The following TBX6 variants were observed in gnomAD, a reference collection of about 807,000 sequenced individuals.
The protein encoded by TBX6 is T-box transcription factor 6, also known as T-box transcription factor TBX6.
TBX6 carries 29 observed loss-of-function variants against 42.3 expected under a neutral mutation model. The observed-to-expected ratio is 0.69, with a 90% CI of 0.51 to 0.93. The LOEUF is 0.93. TBX6 is among the 40% of genes least tolerant of loss of function. TBX6 has a pLI of 0.00. For missense variants in TBX6, 569 were observed against 603.3 expected (o/e 0.94, Z 0.59); for synonymous variants, 249 against 245.1 (o/e 1.02, Z -0.15).
At position 30,085,884 on chromosome 16, in the gene TBX6, G is replaced by C. The variant is rs746751769; in HGVS notation, c.*341C>G. ...GGTGTGGCCTGCACCAGTGTGTGTG[G>C]GGGGGTGGGGATTGAGCCCCTCCAG... On this transcript the variant is annotated 3_prime_UTR_variant, in exon 9 of 9. Coordinates refer to ENST00000395224, the MANE Select transcript of TBX6 (RefSeq NM_004608.4). 277 of 347,604 alleles carry C rather than the reference G, an allele frequency of 8.0e-4. No homozygotes were observed. Among genetic ancestry groups the C allele is most frequent in the Non-Finnish European group, 1.1e-3 (205 of 189,508 alleles). The allele number at this position is 347,604 out of a possible 1,614,324, so 21.5% of individuals were successfully genotyped here.
chr16:30,088,149 G>T lies in TBX6; in HGVS notation c.839+396C>A. On this transcript the variant is annotated intron_variant, in intron 6 of 8. Transcript: ENST00000395224. The surrounding 1 kb of genome is among the most constrained non-coding windows in gnomAD (Gnocchi z 4.1). ...AGACAGGGTTTCACCATGTTGGCAG[G>T]CTGGTCTCGAACTCCTGGCCTCAGG... 1 of 254,004 alleles carries T rather than the reference G, an allele frequency of 3.9e-6. No individual in the cohort carries two copies. The highest frequency in any genetic ancestry group is 3.9e-5 in the South Asian group (1 of 25,736). The allele number at this position is 254,004 out of a possible 1,614,324, so 15.7% of individuals were successfully genotyped here. A position where few individuals can be genotyped will look rare whatever the true frequency, so the allele number is the denominator to read the frequency against.
rs2072714121 is a variant in TBX6, at chr16:30,090,995, G to T, written c.119-3C>A. 1 of 1,610,176 alleles carries T rather than the reference G, an allele frequency of 6.2e-7. No individual in the cohort carries two copies. The highest frequency in any genetic ancestry group is 1.3e-5 in the African/African-American group (1 of 74,894). ...ATCCAGTTTAGGGGTGTCCAGTTCT[G>T]GAAGCCGGGGAAGAATGAGGAGCCA... On this transcript the variant is annotated splice_region_variant and splice_polypyrimidine_tract_variant and intron_variant, in intron 2 of 8. Transcript: ENST00000395224.
At chr16:30,090,416 T>G (rs892464304) in intron 3 of TBX6, among the ~76,000 whole-genome samples, 3 of 152,176 alleles carry the variant, frequency 2.0e-5, no homozygotes, top group Non-Finnish European at 2.9e-5. Context: ...GTCAATGGGC[T>G]GGCCCTTGAC....
Position 30,091,188 on chromosome 16 carries a change from G to A in TBX6, c.6C>T (p.Tyr2=). The A allele has an allele frequency of 6.4e-7, 1 of 1,574,204 alleles. No individual in the cohort carries two copies. ...GGGACGGGTACAATTCTCGTGGATGGTACATGTTGTAGTTCCGTCTGGCCT... is the reference window on the plus strand; with the variant it reads ...GGGACGGGTACAATTCTCGTGGATGATACATGTTGTAGTTCCGTCTGGCCT... The part of the protein sequence containing the change: M[Y]HPRELYPSLG... The change falls in exon 2 of 9, where the codon TAC becomes TAT. Residue 2 remains tyrosine, a synonymous_variant. Coordinates refer to ENST00000395224, the MANE Select transcript of TBX6 (RefSeq NM_004608.4).
chr16:30,087,084 A>G (rs1394068654), intron 6 of TBX6, among the ~76,000 whole-genome samples: 1 of 152,188 alleles, frequency 6.6e-6, no homozygotes, highest in East Asian at 1.9e-4. Context: ...TATTGTGTTT[A>G]GTATCAGTGG....
Position 30,086,562 on chromosome 16 carries a change from G to A in TBX6, c.1047C>T (p.Tyr349=), listed in dbSNP as rs2072633719. Residue 349 remains tyrosine, a synonymous_variant, in exon 8 of 9, where the codon TAC becomes TAT. Coordinates refer to ENST00000395224, the MANE Select transcript of TBX6 (RefSeq NM_004608.4). This position sits in a 1 kb window ranked among gnomAD's most constrained non-coding sequence, Gnocchi z 4.6. ...PLCGGPSAEA[Y]LLHPAAFHGA... ...CATGGAAAGCCGCAGGGTGCAGGAG[G>A]TAGGCCTCAGCACTGGGGCCACCAC... The A allele has an allele frequency of 6.5e-7, 1 of 1,539,348 alleles. No individual in the cohort carries two copies. Among genetic ancestry groups the A allele is most frequent in the Non-Finnish European group, 8.7e-7 (1 of 1,147,206 alleles).
chr16:30,086,253 A>G lies in TBX6; in HGVS notation c.1283T>C (p.Leu428Pro). 1 of 1,612,016 alleles carries G rather than the reference A, an allele frequency of 6.2e-7. No homozygotes were observed. Residue 428 changes from leucine to proline, a missense_variant, in exon 9 of 9, where the codon CTG (leucine) becomes CCG (proline). Leu to Pro is a moderately conservative substitution (Grantham distance 98, BLOSUM62 -3). Coordinates refer to ENST00000395224, the MANE Select transcript of TBX6 (RefSeq NM_004608.4). This position sits in a 1 kb window ranked among gnomAD's most constrained non-coding sequence, Gnocchi z 4.6. The part of the protein sequence containing the change: ...PLPYTAPGGY[L>P]DVGSKPMY ...GTACATGGGTTTGGAGCCCACATCC[A>G]GATAGCCCCCAGGCGCGGTGTATGG...
At chr16:30,090,550 A>T (rs2072705052) in intron 3 of TBX6, among the ~76,000 whole-genome samples, 1 of 152,110 alleles carries the variant, frequency 6.6e-6, no homozygotes, top group Non-Finnish European at 1.5e-5. Flanking sequence ...ACTCAGCCAC[A>T]GACTCCACAG....
Position 30,088,313 on chromosome 16 carries a change from C to G in TBX6, c.839+232G>C, listed in dbSNP as rs973985005. ...CTTGTCTGCTTGTCTACTCTCCCCA[C>G]TAGAAATCAGCTGCATGAGGGCCGG... On this transcript the variant is annotated intron_variant, in intron 6 of 8. Coordinates refer to ENST00000395224, the MANE Select transcript of TBX6 (RefSeq NM_004608.4). This position sits in a 1 kb window ranked among gnomAD's most constrained non-coding sequence, Gnocchi z 4.1. 1 of 598,658 alleles carries G rather than the reference C, an allele frequency of 1.7e-6. No individual in the cohort carries two copies. Among genetic ancestry groups the G allele is most frequent in the Non-Finnish European group, 3.0e-6 (1 of 336,874 alleles). The allele number at this position is 598,658 out of a possible 1,614,324, so 37.1% of individuals were successfully genotyped here. A position where few individuals can be genotyped will look rare whatever the true frequency, so the allele number is the denominator to read the frequency against.
At chr16:30,089,501 G>A (rs2072691506) in intron 3 of TBX6, among the ~76,000 whole-genome samples, 1 of 152,046 alleles carries the variant, frequency 6.6e-6, no homozygotes, top group Non-Finnish European at 1.5e-5. Context: ...CAGGCATGGT[G>A]GTGCACACTG....
At position 30,089,346 on chromosome 16, in the gene TBX6, G is replaced by A. The variant is rs2072689440; in HGVS notation, c.354-136C>T. On this transcript the variant is annotated intron_variant, in intron 3 of 8. Transcript: ENST00000395224. ...TCAAAGGAGGTGGAATTAGAACCCA[G>A]AGGGCAGGCTGGAGGCTGTGGCTCA... The A allele has an allele frequency of 3.3e-6, 4 of 1,199,480 alleles. No individual in the cohort carries two copies. In the African/African-American group the frequency reaches 6.1e-5, roughly 18 times the overall value. 74.3% of individuals were successfully genotyped at this position (1,199,480 alleles called of 1,614,324 possible). A position where few individuals can be genotyped will look rare whatever the true frequency, so the allele number is the denominator to read the frequency against.
In TBX6 at chr16:30,086,263, C is replaced by T; in HGVS notation, c.1273G>A (p.Gly425Arg). 1 of 1,612,190 alleles carries T rather than the reference C, an allele frequency of 6.2e-7. No individual in the cohort carries two copies. The highest frequency in any genetic ancestry group is 1.3e-5 in the African/African-American group (1 of 74,950). ...GPFPLPYTAP[G>R]GYLDVGSKPM... ...TTGGAGCCCACATCCAGATAGCCCCCAGGCGCGGTGTATGGTAGAGGGAAG... is the reference window on the plus strand; with the variant it reads ...TTGGAGCCCACATCCAGATAGCCCCTAGGCGCGGTGTATGGTAGAGGGAAG... The change falls in exon 9 of 9, where the codon GGG becomes AGG. Residue 425 changes from glycine (G) to arginine (R), a missense_variant. This residue lies in a region of TBX6 where 245 missense variants were observed against 227.4 expected (regional missense o/e 1.08). Coordinates refer to ENST00000395224, the MANE Select transcript of TBX6 (RefSeq NM_004608.4). The surrounding 1 kb of genome is among the most constrained non-coding windows in gnomAD (Gnocchi z 4.6).
At chr16:30,087,883 C>CTTTTTCTTT (rs1267552416) in intron 6 of TBX6, 1 of 139,992 alleles carries the variant, frequency 7.1e-6, no homozygotes, top group Admixed American at 7.0e-5. Context: ...TTCTCTTCTC[C>CTTTTTCTTT]TTTTTCTTTT....
Position 30,090,926 on chromosome 16 carries a change from G to A in TBX6, c.185C>T (p.Ala62Val), listed in dbSNP as rs1454930172. 6.2e-7 allele frequency: 1 copy of A among 1,612,818 alleles called. No homozygotes were observed. Among genetic ancestry groups the A allele is most frequent in the Non-Finnish European group, 8.5e-7 (1 of 1,179,686 alleles). ...GMEAAPRTLAAHPPLPLLPPA... is the reference protein window; with the variant it reads ...GMEAAPRTLAVHPPLPLLPPA... ...GGGCAGAAGGGGCAGAGGTGGGTGC[G>A]CGGCCAGGGTGCGGGGAGCAGCCTC... The change falls in exon 3 of 9, where the codon GCG becomes GTG. Residue 62 changes from alanine to valine, a missense_variant. Physicochemically the swap from Ala to Val is moderately conservative, Grantham distance 64 (BLOSUM62 0). Coordinates refer to ENST00000395224, the MANE Select transcript of TBX6 (RefSeq NM_004608.4).
At position 30,086,134 on chromosome 16, in the gene TBX6, G is replaced by A; in HGVS notation, c.*91C>T. On this transcript the variant is annotated 3_prime_UTR_variant, in exon 9 of 9. Coordinates refer to ENST00000395224, the MANE Select transcript of TBX6 (RefSeq NM_004608.4). The surrounding 1 kb of genome is among the most constrained non-coding windows in gnomAD (Gnocchi z 4.6). ...CAGGCCCAAGGCGGCCATTTGGTGTGGGGGATGGGGCCGGTGGAGGTGAGG... is the reference window on the plus strand; with the variant it reads ...CAGGCCCAAGGCGGCCATTTGGTGTAGGGGATGGGGCCGGTGGAGGTGAGG... 2 of 1,424,182 alleles carry A rather than the reference G, an allele frequency of 1.4e-6. No homozygotes were observed. The highest frequency in any genetic ancestry group is 1.3e-5 in the South Asian group (1 of 79,790). The allele number at this position is 1,424,182 out of a possible 1,614,324, so 88.2% of individuals were successfully genotyped here. A position where few individuals can be genotyped will look rare whatever the true frequency, so the allele number is the denominator to read the frequency against.
chr16:30,089,384 C>T (rs1204635405), intron 3 of TBX6, among the ~76,000 whole-genome samples, 174 bp from the exon 4 acceptor site: 2 of 152,200 alleles, frequency 1.3e-5, no homozygotes, highest in African/African-American at 4.8e-5. Context: ...CCTCTAATCC[C>T]TATACTTTGG....
chr16:30,089,287 TAAC>T lies in TBX6; in HGVS notation c.354-80_354-78del, dbSNP rs1018546865. ...TGGGCCCAGCACCAGTAACGGGACA[TAAC>T]AACGGGCTCCCCAGAGCTGTCAGAG... On this transcript the variant is annotated intron_variant, in intron 3 of 8. Coordinates refer to ENST00000395224, the MANE Select transcript of TBX6 (RefSeq NM_004608.4). The T allele has an allele frequency of 1.2e-5, 18 of 1,532,942 alleles. No individual in the cohort carries two copies. The Admixed American group carries it at 2.3e-4, about 20-fold the overall frequency. The allele number at this position is 1,532,942 out of a possible 1,614,324, so 95.0% of individuals were successfully genotyped here. A position where few individuals can be genotyped will look rare whatever the true frequency, so the allele number is the denominator to read the frequency against.
chr16:30,089,582 C>G (rs2072692318), intron 3 of TBX6, among the ~76,000 whole-genome samples: 1 of 152,004 alleles, frequency 6.6e-6, no homozygotes, highest in Non-Finnish European at 1.5e-5. Context: ...CTACAGTGAG[C>G]CACAATTGCA....
In TBX6 at chr16:30,086,454, G is replaced by A. The variant is rs1471881263; in HGVS notation, c.1098-16C>T. 2.7e-6 allele frequency: 4 copies of A among 1,497,460 alleles called. No individual in the cohort carries two copies. Among genetic ancestry groups the A allele is most frequent in the Non-Finnish European group, 2.7e-6 (3 of 1,127,210 alleles). The allele number at this position is 1,497,460 out of a possible 1,614,324, so 92.8% of individuals were successfully genotyped here. On this transcript the variant is annotated splice_polypyrimidine_tract_variant and intron_variant, in intron 8 of 8. Transcript: ENST00000395224. The surrounding 1 kb of genome is among the most constrained non-coding windows in gnomAD (Gnocchi z 4.6). ...GCTGGGGCTCCTGACATGGAGAGAGGGATGTCAGAGCAGGGCAGAGGGACC... is the reference window on the plus strand; with the variant it reads ...GCTGGGGCTCCTGACATGGAGAGAGAGATGTCAGAGCAGGGCAGAGGGACC...
Sources: allele counts gnomAD v4.1 joint callset (sites outside exome capture counted in the v4.1 genomes callset), GRCh38; gene constraint gnomAD v4.1.1; regional missense constraint gnomAD v4.1.1; non-coding constraint Gnocchi (gnomAD v3.1); transcripts MANE v1.5; gene names NCBI Gene and HGNC (gene_info 2026-07-23, HGNC 2026-07-21).